Variants in CERS3 observed in about 807,000 individuals in gnomAD.
CERS3 encodes the protein ceramide synthase 3, also known as LAG1 homolog, ceramide synthase 3.
In CERS3, 33 loss-of-function variants were observed where a neutral mutation model predicts 50.3. The ratio of observed to expected loss-of-function variants is 0.66; its 90% CI spans 0.50 to 0.88. The LOEUF (loss-of-function observed/expected upper bound fraction) is 0.88. CERS3 is among the 40% of genes least tolerant of loss of function. The pLI is 0.00. For missense variants in CERS3, 470 were observed against 460.3 expected (o/e 1.02, Z -0.19); for synonymous variants, 176 against 155.2 (o/e 1.13, Z -0.99).
At chr15:100,536,094 G>A (rs527528790) in intron 1 of CERS3, among the ~76,000 whole-genome samples, 4 of 132,686 alleles carry the variant, frequency 3.0e-5, no homozygotes, top group African/African-American at 1.2e-4. Flanking sequence ...ATATGTGCAC[G>A]GGAAGTGGGG....
At chr15:100,542,783 A>G (rs946948638) in intron 1 of CERS3, among the ~76,000 whole-genome samples, 2 of 151,114 alleles carry the variant, frequency 1.3e-5, no homozygotes, top group Non-Finnish European at 1.5e-5. Flanking sequence ...CTACAAATAT[A>G]TATGTATATG....
At chr15:100,425,498 A>C (rs773842493) in intron 11 of CERS3, among the ~76,000 whole-genome samples, 4 of 152,280 alleles carry the variant, frequency 2.6e-5, no homozygotes, top group African/African-American at 9.6e-5. Flanking sequence ...TGGGCTTCAG[A>C]CTTCCATGGG....
At chr15:100,482,726 G>A (rs2035351088) in intron 5 of CERS3, among the ~76,000 whole-genome samples, 1 of 152,144 alleles carries the variant, frequency 6.6e-6, no homozygotes, top group Admixed American at 6.5e-5. Flanking sequence ...GTGCCTGGGG[G>A]CTCATCCCTC....
In CERS3 at chr15:100,420,580, T is replaced by G. The variant is rs549136201; in HGVS notation, c.1000-17715A>C. ...AGAGGGAATCCTCCCTAACTCATTT[T>G]ATGAGGCCAGCATCATTCTAATACC... On this transcript the variant is annotated intron_variant, in intron 11 of 11. Coordinates refer to ENST00000679737, the MANE Select transcript of CERS3 (RefSeq NM_001378789.1). Among the ~76,000 whole-genome samples the G allele has an allele frequency of 6.2e-3, 941 of 152,088 alleles. 8 individuals carry two copies. The highest frequency in any genetic ancestry group is 0.021 in the African/African-American group (888 of 41,462).
chr15:100,543,813 T>C (rs577719237), intron 1 of CERS3, among the ~76,000 whole-genome samples: 1 of 152,126 alleles, frequency 6.6e-6, no homozygotes, highest in African/African-American at 2.4e-5. Flanking sequence ...TACAGGCGTG[T>C]GCCACCGCAC....
chr15:100,451,090 C>A (rs919798577), intron 11 of CERS3, among the ~76,000 whole-genome samples: 1 of 152,028 alleles, frequency 6.6e-6, no homozygotes, highest in African/African-American at 2.4e-5. Flanking sequence ...ATCATATCTA[C>A]CAGCATGAAA....
chr15:100,493,549 G>A (rs72759141), intron 3 of CERS3, among the ~76,000 whole-genome samples: 2,717 of 152,188 alleles, frequency 0.018, 83 homozygotes, highest in African/African-American at 0.062. Flanking sequence ...CTGGGAGTTT[G>A]TTTAGCTTTT....
chr15:100,533,143 A>C (rs1012109910), upstream of CERS3, among the ~76,000 whole-genome samples: 2 of 152,182 alleles, frequency 1.3e-5, no homozygotes, highest in African/African-American at 4.8e-5. Flanking sequence ...CTGCTGTCAA[A>C]TTAGTCGGGA....
intron 11 of CERS3, chr15:100,408,714 G>A (rs939517414): frequency 2.6e-5 from 4 of 152,096 alleles, no homozygotes; most frequent in Non-Finnish European, 5.9e-5. Flanking sequence ...AAGCTTGAAT[G>A]ATATAAATTG....
At chr15:100,435,188 T>G (rs78968488) in intron 11 of CERS3, among the ~76,000 whole-genome samples, 2,505 of 152,340 alleles carry the variant, frequency 0.016, 30 homozygotes, top group Admixed American at 0.027. Context: ...AGAACTAGTA[T>G]TTTGAAAACC....
At chr15:100,424,964 T>C (rs2032713689) in intron 11 of CERS3, among the ~76,000 whole-genome samples, 1 of 152,158 alleles carries the variant, frequency 6.6e-6, no homozygotes, top group Non-Finnish European at 1.5e-5. Context: ...GGGCCCCAGA[T>C]ATGTCTCAGG....
chr15:100,427,616 G>T (rs776126950), intron 11 of CERS3, among the ~76,000 whole-genome samples: 1 of 152,208 alleles, frequency 6.6e-6, no homozygotes, highest in Non-Finnish European at 1.5e-5. Context: ...GCCCACCTCA[G>T]TTTACCCTTG....
At chr15:100,440,673 T>C (rs1249124277) in intron 11 of CERS3, among the ~76,000 whole-genome samples, 1 of 152,228 alleles carries the variant, frequency 6.6e-6, no homozygotes, top group Non-Finnish European at 1.5e-5. Flanking sequence ...CCTCCTGCTC[T>C]TTGCTCTGTG....
At chr15:100,478,371 C>T (rs1487183691) in intron 7 of CERS3, among the ~76,000 whole-genome samples, 2 of 152,066 alleles carry the variant, frequency 1.3e-5, no homozygotes, top group Non-Finnish European at 2.9e-5. Context: ...AGTTAGTTAG[C>T]CACAAGTTCC....
chr15:100,532,059 C>A (rs8042663), upstream of CERS3, among the ~76,000 whole-genome samples: 1,595 of 142,404 alleles, frequency 0.011, 34 homozygotes, highest in African/African-American at 0.039. Context: ...CACTTAGGAA[C>A]TAGAAGAGGA....
chr15:100,402,790 C>T lies in CERS3; in HGVS notation c.1075G>A (p.Gly359Ser). Residue 359 changes from glycine to serine, a missense_variant, in exon 12 of 12, where the codon GGC (glycine) becomes AGC (serine). Coordinates refer to ENST00000679737, the MANE Select transcript of CERS3 (RefSeq NM_001378789.1). ...TTCTTTAAACAATCCATCTCTTTGCCTTTGGTAGCCTCTTCTTCTTCCTCT... is the reference window on the plus strand; with the variant it reads ...TTCTTTAAACAATCCATCTCTTTGCTTTTGGTAGCCTCTTCTTCTTCCTCT... ...EEEEEEEATKGKEMDCLKNGL... is the reference protein window; with the variant it reads ...EEEEEEEATKSKEMDCLKNGL... The T allele has an allele frequency of 1.2e-6, 2 of 1,614,164 alleles. No homozygotes were observed. The highest frequency in any genetic ancestry group is 2.2e-5 in the East Asian group (1 of 44,876).
At chr15:100,444,145 C>T (rs991108108) in intron 11 of CERS3, among the ~76,000 whole-genome samples, 7 of 152,180 alleles carry the variant, frequency 4.6e-5, no homozygotes, top group Admixed American at 1.3e-4. Context: ...ATCATGTCTC[C>T]GTGCAGTGGC....
intron 2 of CERS3, among the ~76,000 whole-genome samples, chr15:100,513,460 C>T (rs1228613280): frequency 1.3e-5 from 2 of 152,154 alleles, no homozygotes; most frequent in African/African-American, 4.8e-5. Flanking sequence ...CCCCTCTTCC[C>T]CTCAGTCTGT....
intron 3 of CERS3, among the ~76,000 whole-genome samples, chr15:100,495,832 T>C (rs145016601): frequency 0.011 from 1,683 of 152,314 alleles, 53 homozygotes; most frequent in Admixed American, 0.062. Context: ...ATTTTTAATA[T>C]ATAAAATGAC....
Sources: allele counts gnomAD v4.1 joint callset (sites outside exome capture counted in the v4.1 genomes callset), GRCh38; gene constraint gnomAD v4.1.1; transcripts MANE v1.5; gene names NCBI Gene and HGNC (gene_info 2026-07-23, HGNC 2026-07-21).